RBPJ: variants seen among roughly 807,000 people sequenced by gnomAD.
The protein encoded by RBPJ is recombination signal binding protein for immunoglobulin kappa J region.
A neutral mutation model predicts 67.8 loss-of-function variants in RBPJ; 9 were observed. The observed-to-expected ratio is 0.13, with a 90% CI of 0.08 to 0.23. The LOEUF is 0.23. Among genes scored for constraint, RBPJ ranks in the 10% least tolerant of loss-of-function variants. RBPJ has a pLI of 1.00. For synonymous variants in RBPJ, 198 were observed against 203.3 expected (o/e 0.97, Z 0.22); for missense variants, 305 against 595.6 (o/e 0.51, Z 5.08).
chr4:26,107,544 C>A, the RBPJ span, among the ~76,000 whole-genome samples: 1 of 152,222 alleles, frequency 6.6e-6, no homozygotes, highest in Non-Finnish European at 1.5e-5. Flanking sequence ...TTATAGAAAA[C>A]CGCAGCACTG....
intron 1 of RBPJ, among the ~76,000 whole-genome samples, chr4:26,302,242 C>G (rs1722100783): frequency 6.6e-6 from 1 of 152,206 alleles, no homozygotes; most frequent in Non-Finnish European, 1.5e-5. Flanking sequence ...TGGGTCCCAG[C>G]ACAAGGCTAA....
chr4:26,143,375 C>T, the RBPJ span, among the ~76,000 whole-genome samples: 1 of 152,230 alleles, frequency 6.6e-6, no homozygotes, highest in Admixed American at 6.5e-5. Context: ...TCAAAACCCT[C>T]ATCTCGCAAA....
At chr4:26,120,427 C>G in the RBPJ span, among the ~76,000 whole-genome samples, 17 of 152,328 alleles carry the variant, frequency 1.1e-4, no homozygotes, top group Non-Finnish European at 2.1e-4. Context: ...AACACCCATA[C>G]CTGAAATCGT....
chr4:26,301,597 A>T (rs1194400649), intron 1 of RBPJ, among the ~76,000 whole-genome samples: 6 of 151,620 alleles, frequency 4.0e-5, no homozygotes, highest in Admixed American at 3.9e-4. Flanking sequence ...GTCTCAAAAA[A>T]AAAAAAAGAA....
intron 1 of RBPJ, among the ~76,000 whole-genome samples, chr4:26,254,841 C>CAATTTT (rs1553853646): frequency 4.1e-5 from 1 of 24,482 alleles, no homozygotes; most frequent in East Asian, 1.2e-3. Flanking sequence ...CCATGCCCAG[C>CAATTTT]TATTTTTTTT....
At chr4:26,150,702 A>G in the RBPJ span, among the ~76,000 whole-genome samples, 1 of 152,196 alleles carries the variant, frequency 6.6e-6, no homozygotes, top group East Asian at 1.9e-4. Flanking sequence ...TTAAGTCCAT[A>G]GGGTACACAA....
chr4:26,175,182 C>G (rs192393997), intron 1 of RBPJ, among the ~76,000 whole-genome samples: 54 of 152,318 alleles, frequency 3.5e-4, no homozygotes, highest in African/African-American at 1.3e-3. Flanking sequence ...TTTCTTGGCC[C>G]CAGTTTCAAT....
chr4:26,359,851 G>C (rs1196347209), intron 1 of RBPJ: 1 of 152,224 alleles, frequency 6.6e-6, no homozygotes, highest in Non-Finnish European at 1.5e-5. Flanking sequence ...AAAAACATTA[G>C]TTATTGGCAT....
At chr4:26,411,024 G>C (rs1314300504) in intron 3 of RBPJ, among the ~76,000 whole-genome samples, 1 of 152,168 alleles carries the variant, frequency 6.6e-6, no homozygotes, top group African/African-American at 2.4e-5. Context: ...CCACTTTTCA[G>C]ACTTTTCACT....
At chr4:26,131,421 T>TAC in the RBPJ span, among the ~76,000 whole-genome samples, 8 of 151,712 alleles carry the variant, frequency 5.3e-5, no homozygotes, top group South Asian at 1.0e-3. Flanking sequence ...AAAATTGTTT[T>TAC]ACACACACAC....
At chr4:26,428,261 T>C (rs1009939587) in intron 7 of RBPJ, among the ~76,000 whole-genome samples, 1 of 152,236 alleles carries the variant, frequency 6.6e-6, no homozygotes, top group South Asian at 2.1e-4. Flanking sequence ...ATGCATATTA[T>C]TGGAAAATAT....
the RBPJ span, among the ~76,000 whole-genome samples, chr4:26,126,028 A>G: frequency 6.6e-6 from 1 of 152,140 alleles, no homozygotes; most frequent in Non-Finnish European, 1.5e-5. Flanking sequence ...GTGTGCTCCA[A>G]CCTTACATCT....
At chr4:26,288,740 C>T (rs529372089) in intron 1 of RBPJ, among the ~76,000 whole-genome samples, 4 of 152,352 alleles carry the variant, frequency 2.6e-5, no homozygotes, top group Admixed American at 2.6e-4. Context: ...GAGTGACTCA[C>T]TGTTTAGAAA....
At chr4:26,356,678 A>G (rs1372429372) in intron 1 of RBPJ, among the ~76,000 whole-genome samples, 1 of 152,176 alleles carries the variant, frequency 6.6e-6, no homozygotes, top group Non-Finnish European at 1.5e-5. Context: ...CCATATCCAT[A>G]ATATAGTTGT....
chr4:26,316,565 A>ATGTATATATTCATATATATG (rs1722639164), upstream of RBPJ, among the ~76,000 whole-genome samples: 1 of 21,392 alleles, frequency 4.7e-5, no homozygotes, highest in Non-Finnish European at 9.2e-5. Flanking sequence ...TCATATATAT[A>ATGTATATATTCATATATATG]CACATTCATA....
chr4:26,239,921 T>G (rs73245738), intron 1 of RBPJ, among the ~76,000 whole-genome samples: 71 of 152,306 alleles, frequency 4.7e-4, no homozygotes, highest in Non-Finnish European at 8.5e-4. Context: ...AAATGTAGTT[T>G]TCCACTTTGC....
At chr4:26,214,814 AG>A in intron 1 of RBPJ, among the ~76,000 whole-genome samples, 1 of 134,268 alleles carries the variant, frequency 7.4e-6, no homozygotes, top group Non-Finnish European at 1.6e-5. Context: ...GAAAAGAGAG[AG>A]AGAGAAAAGA....
chr4:26,420,829 A>G (rs1338938837), intron 5 of RBPJ, 104 bp downstream of exon 5: 5 of 904,292 alleles, frequency 5.5e-6, no homozygotes, highest in Non-Finnish European at 8.1e-6. Flanking sequence ...TTAATTCTTT[A>G]CTAATATTTT....
the RBPJ span, among the ~76,000 whole-genome samples, chr4:26,128,978 C>A: frequency 6.6e-6 from 1 of 152,190 alleles, no homozygotes; most frequent in Non-Finnish European, 1.5e-5. Flanking sequence ...ACTATGAGTC[C>A]ATTAAACTTC....
Sources: gnomAD v4.1 joint callset for allele counts (sites outside exome capture counted in the v4.1 genomes callset) on GRCh38, gnomAD v4.1.1 for gene constraint, MANE v1.5 for transcripts, NCBI Gene and HGNC (gene_info 2026-07-23, HGNC 2026-07-21) for gene names.